The following ESRRB variants were observed in gnomAD, a reference collection of about 807,000 sequenced individuals.
ESRRB encodes the protein estrogen related receptor beta.
ESRRB carries 16 observed loss-of-function variants against 46.0 expected under a neutral mutation model. That is an observed-to-expected ratio of 0.35 (90% CI 0.24 to 0.53). ESRRB has a LOEUF of 0.53. Ranked by LOEUF, ESRRB falls within the 20% of genes least tolerant of loss-of-function variation. The pLI is 0.93. For missense variants in ESRRB, 488 were observed against 607.4 expected, an observed-to-expected ratio of 0.80 and a Z score of 2.07; for synonymous variants, 246 against 259.6, an observed-to-expected ratio of 0.95 and a Z score of 0.50.
chr14:76,344,212 T>C (rs1884222704), intron 1 of ESRRB, among the ~76,000 whole-genome samples: 1 of 152,248 alleles, frequency 6.6e-6, no homozygotes. Flanking sequence ...ATGCCTGGCA[T>C]GTGTTATGTG....
At chr14:76,434,487 C>CT (rs1217068815) in intron 1 of ESRRB, among the ~76,000 whole-genome samples, 117 of 151,428 alleles carry the variant, frequency 7.7e-4, no homozygotes, top group African/African-American at 2.7e-3. Context: ...CCTGTCTCTA[C>CT]CAAAAAAAAA....
chr14:76,367,018 G>A (rs557433593), upstream of ESRRB, among the ~76,000 whole-genome samples: 3 of 152,290 alleles, frequency 2.0e-5, no homozygotes, highest in South Asian at 4.2e-4. Context: ...AGCGATTTGC[G>A]GACTGGCTGT....
chr14:76,390,994 G>A (rs1013919869), intron 1 of ESRRB, among the ~76,000 whole-genome samples: 13 of 152,214 alleles, frequency 8.5e-5, no homozygotes, highest in Admixed American at 6.5e-5. Flanking sequence ...AGGACCTTGC[G>A]AGGAGGCAGC....
At chr14:76,316,712 C>T (rs1010558610) in intron 1 of ESRRB, among the ~76,000 whole-genome samples, 11 of 152,066 alleles carry the variant, frequency 7.2e-5, no homozygotes, top group African/African-American at 2.4e-4. Flanking sequence ...TCTCTCCTCT[C>T]TGTCCCTCTC....
chr14:76,433,654 A>G (rs1242006413), intron 1 of ESRRB, among the ~76,000 whole-genome samples: 2 of 152,084 alleles, frequency 1.3e-5, no homozygotes, highest in Non-Finnish European at 2.9e-5. Context: ...CTTCACGGCC[A>G]ATTTTCCTGA....
intron 1 of ESRRB, among the ~76,000 whole-genome samples, chr14:76,323,411 G>A (rs1351275213): frequency 1.3e-5 from 2 of 151,604 alleles, no homozygotes; most frequent in Non-Finnish European, 2.9e-5. Flanking sequence ...TTGGGCTCAA[G>A]CAATTCTCCT....
At chr14:76,447,952 A>G (rs1888222022) in intron 2 of ESRRB, among the ~76,000 whole-genome samples, 3 of 152,158 alleles carry the variant, frequency 2.0e-5, no homozygotes, top group African/African-American at 7.2e-5. Flanking sequence ...GCTCCAGAAC[A>G]TGGCCAAGGA....
chr14:76,500,109 C>T lies in ESRRB; in HGVS notation c.*1651C>T. On this transcript the variant is annotated 3_prime_UTR_variant, in exon 7 of 7. Transcript: ENST00000644823. ...TTCCATAGAAGCCCTGGTCCCACCT[C>T]CTTGGCTCTACCCCAGGAACCTCCC... 6.6e-7 allele frequency: 1 copy of T among 1,508,598 alleles called. No homozygotes were observed. The highest frequency in any genetic ancestry group is 1.2e-5 in the South Asian group (1 of 81,010). 93.5% of individuals were successfully genotyped at this position (1,508,598 alleles called of 1,614,324 possible).
intron 1 of ESRRB, among the ~76,000 whole-genome samples, chr14:76,355,922 G>A (rs1884373898): frequency 6.6e-6 from 1 of 152,202 alleles, no homozygotes; most frequent in South Asian, 2.1e-4. Context: ...GGTGTGCAGA[G>A]GATCAGATGA....
At chr14:76,479,146 G>A (rs1889700907) in intron 3 of ESRRB, among the ~76,000 whole-genome samples, 1 of 152,192 alleles carries the variant, frequency 6.6e-6, no homozygotes, top group Non-Finnish European at 1.5e-5. Flanking sequence ...GATGATGCTG[G>A]CCTGCAGACC....
chr14:76,438,161 C>T (rs977461315), intron 1 of ESRRB, among the ~76,000 whole-genome samples: 4 of 152,216 alleles, frequency 2.6e-5, no homozygotes, highest in Admixed American at 1.3e-4. Context: ...TCCAGACATG[C>T]CTTCTGGTAC....
intron 1 of ESRRB, among the ~76,000 whole-genome samples, chr14:76,380,895 C>T (rs1191308180): frequency 6.6e-6 from 1 of 152,242 alleles, no homozygotes; most frequent in African/African-American, 2.4e-5. Flanking sequence ...CTAGCCAAAT[C>T]TGGCCCGGAA....
upstream of ESRRB, among the ~76,000 whole-genome samples, chr14:76,370,527 T>C (rs1884598073): frequency 6.6e-6 from 1 of 152,194 alleles, no homozygotes. Context: ...TGGAAAATAT[T>C]TAATGAGACA....
intron 3 of ESRRB, among the ~76,000 whole-genome samples, chr14:76,473,125 C>T (rs1889436732): frequency 6.7e-6 from 1 of 149,160 alleles, no homozygotes; most frequent in South Asian, 2.2e-4. Flanking sequence ...TCAAAATTTC[C>T]CTGTGACGTT....
intron 1 of ESRRB, among the ~76,000 whole-genome samples, chr14:76,322,813 A>G (rs1883883542): frequency 6.6e-6 from 1 of 152,182 alleles, no homozygotes; most frequent in East Asian, 1.9e-4. Flanking sequence ...CTCTCCTGTG[A>G]CCTTTATCTC....
intron 1 of ESRRB, among the ~76,000 whole-genome samples, chr14:76,383,571 AT>A (rs1885101410): frequency 6.6e-6 from 1 of 151,890 alleles, no homozygotes; most frequent in East Asian, 1.9e-4. Flanking sequence ...CTTTGTCTTC[AT>A]TTTTTCCCCT....
intron 1 of ESRRB, among the ~76,000 whole-genome samples, chr14:76,417,971 T>C (rs968585979): frequency 2.0e-5 from 2 of 102,436 alleles, no homozygotes; most frequent in African/African-American, 7.7e-5. Context: ...TTTTTTTTGG[T>C]GGGGGATGGA....
chr14:76,356,735 G>A (rs1316793444), intron 1 of ESRRB, among the ~76,000 whole-genome samples: 1 of 152,188 alleles, frequency 6.6e-6, no homozygotes, highest in Non-Finnish European at 1.5e-5. Context: ...TTAGGAAATG[G>A]AGAACAAGCA....
At chr14:76,336,825 A>G (rs9323630) in intron 1 of ESRRB, among the ~76,000 whole-genome samples, 102,125 of 151,986 alleles carry the variant, frequency 0.67, 34,343 homozygotes, top group Middle Eastern at 0.74. Flanking sequence ...AAAAGTCTCT[A>G]TTTCAGTGTA....
Sources: allele counts gnomAD v4.1 joint callset (sites outside exome capture counted in the v4.1 genomes callset), GRCh38; gene constraint gnomAD v4.1.1; transcripts MANE v1.5; gene names NCBI Gene and HGNC (gene_info 2026-07-23, HGNC 2026-07-21).